NBEA: variants seen among roughly 807,000 people sequenced by gnomAD.
NBEA encodes lysosomal-trafficking regulator 2.
NBEA carries 44 observed loss-of-function variants against 343.4 expected under a neutral mutation model. That is an observed-to-expected ratio of 0.13 (90% CI 0.10 to 0.16). The LOEUF is 0.16. Ranked by LOEUF, NBEA falls within the 10% of genes least tolerant of loss-of-function variation. NBEA has a pLI of 1.00. For missense variants in NBEA, 2,555 were observed against 3,631.3 expected, an observed-to-expected ratio of 0.70 and a Z score of 7.62; for synonymous variants, 1,175 against 1,238.7, an observed-to-expected ratio of 0.95 and a Z score of 1.08.
rs537064378 is a variant in NBEA at position 35,028,034 on chromosome 13, A to C, written c.295-12899A>C. 8.4e-4 allele frequency among the ~76,000 whole-genome samples: 128 copies of C among 151,946 alleles called. 1 individual carries two copies. Among genetic ancestry groups the C allele is most frequent in the Non-Finnish European group, 1.4e-3 (92 of 67,822 alleles). On this transcript the variant is annotated intron_variant, in intron 1 of 58. Transcript: ENST00000379939. ...GGTTCTCGCTTATGCTTCATGATCT[A>C]TGTGTCTATCAACTCACCAGTGCTA...
intron 38 of NBEA, among the ~76,000 whole-genome samples, chr13:35,375,715 G>A (rs2041703679): frequency 6.6e-6 from 1 of 152,112 alleles, no homozygotes; most frequent in Non-Finnish European, 1.5e-5. Context: ...CATAGCATTT[G>A]TGATGCTGAA....
At chr13:35,092,053 A>C (rs1236781476) in intron 10 of NBEA, among the ~76,000 whole-genome samples, 1 of 152,040 alleles carries the variant, frequency 6.6e-6, no homozygotes, top group Non-Finnish European at 1.5e-5. Context: ...ATGAAGACCG[A>C]GTAATATTAG....
chr13:35,605,826 G>T (rs1440552772), intron 47 of NBEA, among the ~76,000 whole-genome samples: 2 of 151,982 alleles, frequency 1.3e-5, no homozygotes, highest in African/African-American at 4.8e-5. Context: ...CATTTCTATG[G>T]CATGCATTAA....
At chr13:35,203,332 C>A (rs2073147424) in intron 31 of NBEA, among the ~76,000 whole-genome samples, 1 of 152,124 alleles carries the variant, frequency 6.6e-6, no homozygotes, top group South Asian at 2.1e-4. Context: ...GCCTGTGATG[C>A]TCTTCTCTAG....
intron 35 of NBEA, among the ~76,000 whole-genome samples, chr13:35,308,473 T>TGG: frequency 1.0e-5 from 1 of 99,616 alleles, no homozygotes. Flanking sequence ...TATATATATA[T>TGG]GTATATATAT....
chr13:35,360,886 A>T lies in NBEA; in HGVS notation c.6179+8563A>T, dbSNP rs529490740. On this transcript the variant is annotated intron_variant, in intron 38 of 58. Coordinates refer to ENST00000379939, the MANE Select transcript of NBEA (RefSeq NM_001385012.1). Reference sequence around the variant, plus strand: ...TCACACAAAACGTCTAAGTTTGAACACTGAATCATCAGAAGAAGAGGAGAA... The same window carrying T: ...TCACACAAAACGTCTAAGTTTGAACTCTGAATCATCAGAAGAAGAGGAGAA... Among the ~76,000 whole-genome samples the T allele has an allele frequency of 6.6e-4, 100 of 152,164 alleles. No individual in the cohort carries two copies. The South Asian group carries it at 0.02, about 31-fold the overall frequency.
At chr13:35,463,325 T>C (rs2047005921) in intron 40 of NBEA, among the ~76,000 whole-genome samples, 1 of 152,130 alleles carries the variant, frequency 6.6e-6, no homozygotes, top group Non-Finnish European at 1.5e-5. Flanking sequence ...AATTGTGAGT[T>C]TAAAAATAAG....
rs1180868026 is a variant in NBEA, at chr13:34,983,126, CTCA to C, written c.294+40017_294+40019del. ...CATGTTGGTTTGCTGCACCCATTAA[CTCA>C]TCATTTACATTAGGTATTTCTCCTA... On this transcript the variant is annotated intron_variant, in intron 1 of 58. Transcript: ENST00000379939. Among the ~76,000 whole-genome samples, 9 of 152,232 alleles carry C rather than the reference CTCA, an allele frequency of 5.9e-5. 1 individual carries two copies. Among genetic ancestry groups the C allele is most frequent in the Admixed American group, 3.3e-4 (5 of 15,294 alleles).
intron 18 of NBEA, among the ~76,000 whole-genome samples, chr13:35,148,716 A>G (rs928281474): frequency 3.9e-5 from 6 of 152,214 alleles, no homozygotes; most frequent in Non-Finnish European, 8.8e-5. Flanking sequence ...AAATATATTT[A>G]TCACAAAATA....
intron 38 of NBEA, among the ~76,000 whole-genome samples, chr13:35,427,288 T>C (rs1314549033): frequency 1.3e-5 from 2 of 152,200 alleles, no homozygotes. Context: ...TCTTTGATGA[T>C]GGTGACGTAC....
At chr13:34,982,358 C>T (rs541357521) in intron 1 of NBEA, among the ~76,000 whole-genome samples, 35 of 151,902 alleles carry the variant, frequency 2.3e-4, no homozygotes, top group Admixed American at 1.0e-3. Context: ...TGCACTGGTG[C>T]GACCTACCTC....
At chr13:35,537,100 A>G (rs1197136922) in intron 41 of NBEA, among the ~76,000 whole-genome samples, 1 of 152,192 alleles carries the variant, frequency 6.6e-6, no homozygotes, top group Non-Finnish European at 1.5e-5. Flanking sequence ...AGTGTCTACT[A>G]TAGAGTTTCT....
chr13:35,584,802 G>C (rs1351998378), intron 46 of NBEA, among the ~76,000 whole-genome samples: 1 of 151,666 alleles, frequency 6.6e-6, no homozygotes, highest in Non-Finnish European at 1.5e-5. Context: ...GCCCGGCCCA[G>C]CTATTATTTT....
chr13:35,113,863 G>A (rs1040114025), intron 13 of NBEA, among the ~76,000 whole-genome samples: 6 of 152,090 alleles, frequency 3.9e-5, no homozygotes, highest in Non-Finnish European at 7.4e-5. Context: ...GTGGCTTCAT[G>A]GATTTAGTCC....
chr13:35,441,831 GAAAAAAAA>G (rs34357028), intron 39 of NBEA, among the ~76,000 whole-genome samples: 2 of 120,038 alleles, frequency 1.7e-5, no homozygotes, highest in Non-Finnish European at 3.5e-5. Context: ...TGCTAGATGT[GAAAAAAAA>G]AAAAAAAAGA....
intron 42 of NBEA, 125 bp downstream of exon 42, chr13:35,550,719 A>C (rs1189959630): frequency 1.5e-6 from 1 of 688,620 alleles, no homozygotes; most frequent in African/African-American, 1.8e-5. Flanking sequence ...AACAAACAGA[A>C]ATTCTTTTTA....
At chr13:35,432,172 A>T (rs925230452) in intron 38 of NBEA, 97 bp from the exon 39 acceptor site, 27 of 1,033,722 alleles carry the variant, frequency 2.6e-5, no homozygotes, top group Middle Eastern at 4.8e-4. Context: ...TTAATTTTTC[A>T]ATGAGACCAA....
At chr13:35,070,902 A>G (rs2063840895) in intron 10 of NBEA, 50 bp downstream of exon 10, 1 of 1,595,312 alleles carries the variant, frequency 6.3e-7, no homozygotes, top group African/African-American at 1.3e-5. Flanking sequence ...CACACTTAAG[A>G]CTATGCATGA....
intron 34 of NBEA, among the ~76,000 whole-genome samples, chr13:35,242,771 AAG>A (rs2152779547): frequency 6.6e-6 from 1 of 152,002 alleles, no homozygotes; most frequent in Admixed American, 6.6e-5. Context: ...ACAAAACAAA[AAG>A]AAACTATCAA....
Sources: allele counts gnomAD v4.1 joint callset (sites outside exome capture counted in the v4.1 genomes callset), GRCh38; gene constraint gnomAD v4.1.1; transcripts MANE v1.5; gene names NCBI Gene and HGNC (gene_info 2026-07-23, HGNC 2026-07-21).